The following KCND2 variants were observed in gnomAD, a reference collection of about 807,000 sequenced individuals.
KCND2 encodes the protein A-type voltage-gated potassium channel KCND2.
In KCND2, 16 loss-of-function variants were observed where a neutral mutation model predicts 54.4. The observed-to-expected ratio is 0.29, with a 90% CI of 0.20 to 0.45. KCND2 has a LOEUF of 0.45. KCND2 is among the 20% of genes least tolerant of loss of function. KCND2 has a pLI of 1.00. For synonymous variants in KCND2, 317 were observed against 310.7 expected (o/e 1.02, Z -0.21); for missense variants, 486 against 824.2 (o/e 0.59, Z 5.02).
At chr7:120,587,689 A>G (rs1792617834) in intron 1 of KCND2, among the ~76,000 whole-genome samples, 1 of 152,184 alleles carries the variant, frequency 6.6e-6, no homozygotes, top group Non-Finnish European at 1.5e-5. Flanking sequence ...CACCACTTTC[A>G]GTTTTATAAA....
At chr7:120,722,517 G>A (rs549330758) in intron 1 of KCND2, among the ~76,000 whole-genome samples, 13 of 152,276 alleles carry the variant, frequency 8.5e-5, no homozygotes, top group African/African-American at 3.1e-4. Flanking sequence ...AGAATTTTGT[G>A]CATTCTTTTC....
chr7:120,734,386 C>T (rs867823618), intron 2 of KCND2, among the ~76,000 whole-genome samples: 5 of 152,170 alleles, frequency 3.3e-5, no homozygotes, highest in Middle Eastern at 3.4e-3. Context: ...AAAACTCTGG[C>T]GTTAGTTACC....
At chr7:120,643,618 A>C (rs1177924873) in intron 1 of KCND2, among the ~76,000 whole-genome samples, 4 of 152,034 alleles carry the variant, frequency 2.6e-5, no homozygotes, top group Non-Finnish European at 4.4e-5. Flanking sequence ...AGTCCTTTGA[A>C]AGATCAATCA....
intron 1 of KCND2, among the ~76,000 whole-genome samples, chr7:120,375,301 G>A (rs777000887): frequency 8.6e-5 from 13 of 151,678 alleles, no homozygotes; most frequent in African/African-American, 1.5e-4. Flanking sequence ...AAATATCAGC[G>A]TATTAAAAAG....
intron 1 of KCND2, among the ~76,000 whole-genome samples, chr7:120,511,030 A>T (rs1050583893): frequency 1.9e-4 from 29 of 151,170 alleles, no homozygotes; most frequent in African/African-American, 6.6e-4. Flanking sequence ...TCTCTCACAC[A>T]CACACACACA....
intron 1 of KCND2, among the ~76,000 whole-genome samples, chr7:120,284,468 A>G (rs1482843296): frequency 6.6e-6 from 1 of 152,192 alleles, no homozygotes; most frequent in African/African-American, 2.4e-5. Context: ...TCTAGATTGT[A>G]TCAAATGAGG....
intron 1 of KCND2, among the ~76,000 whole-genome samples, chr7:120,712,476 A>C (rs970193590): frequency 6.7e-6 from 1 of 149,792 alleles, no homozygotes; most frequent in Non-Finnish European, 1.5e-5. Context: ...GCCTTGGCTG[A>C]TCTTGAACTC....
At chr7:120,506,587 T>C (rs1803023153) in intron 1 of KCND2, among the ~76,000 whole-genome samples, 1 of 151,906 alleles carries the variant, frequency 6.6e-6, no homozygotes, top group Admixed American at 6.6e-5. Context: ...TTTATTTTCA[T>C]TTCAGTCTAT....
At chr7:120,621,274 C>A in intron 1 of KCND2, among the ~76,000 whole-genome samples, 1 of 87,374 alleles carries the variant, frequency 1.1e-5, no homozygotes, top group East Asian at 3.7e-4. Flanking sequence ...AAGACTCCGT[C>A]TCAAAAAAAA....
intron 1 of KCND2, among the ~76,000 whole-genome samples, chr7:120,387,647 A>C (rs1801009690): frequency 6.6e-6 from 1 of 152,022 alleles, no homozygotes; most frequent in Non-Finnish European, 1.5e-5. Flanking sequence ...TCTTTTGTGA[A>C]TGACAGAACT....
intron 1 of KCND2, among the ~76,000 whole-genome samples, chr7:120,467,686 G>A (rs1802399255): frequency 6.6e-6 from 1 of 152,066 alleles, no homozygotes; most frequent in African/African-American, 2.4e-5. Flanking sequence ...TCTATTATTA[G>A]CTATATAAAA....
chr7:120,488,486 T>A (rs1251373206), intron 1 of KCND2, among the ~76,000 whole-genome samples: 2 of 152,206 alleles, frequency 1.3e-5, no homozygotes, highest in African/African-American at 4.8e-5. Context: ...TTTTTTTCTT[T>A]AAGTAAAATT....
chr7:120,333,455 G>A (rs920024854), intron 1 of KCND2, among the ~76,000 whole-genome samples: 7 of 151,980 alleles, frequency 4.6e-5, no homozygotes, highest in African/African-American at 1.7e-4. Context: ...AATATAACAT[G>A]GACAGATTCT....
intron 1 of KCND2, among the ~76,000 whole-genome samples, chr7:120,655,210 G>A (rs535917230): frequency 3.3e-5 from 5 of 152,022 alleles, no homozygotes; most frequent in African/African-American, 1.2e-4. Context: ...CCCCCAGGAA[G>A]TAAATAAACT....
chr7:120,308,140 C>T (rs1424174314), intron 1 of KCND2, among the ~76,000 whole-genome samples: 1 of 151,936 alleles, frequency 6.6e-6, no homozygotes, highest in African/African-American at 2.4e-5. Flanking sequence ...ACTGAAATAC[C>T]ACTTACTGAA....
intron 1 of KCND2, among the ~76,000 whole-genome samples, chr7:120,420,612 G>A (rs901200236): frequency 2.0e-5 from 3 of 152,126 alleles, no homozygotes; most frequent in African/African-American, 4.8e-5. Flanking sequence ...ATCGGGGTGA[G>A]GAGTAGGGGG....
At chr7:120,314,837 T>C (rs1364134247) in intron 1 of KCND2, among the ~76,000 whole-genome samples, 4 of 152,194 alleles carry the variant, frequency 2.6e-5, no homozygotes, top group Non-Finnish European at 5.9e-5. Context: ...TACAAAATGT[T>C]ATTTAAAAAA....
intron 1 of KCND2, among the ~76,000 whole-genome samples, chr7:120,309,893 G>A (rs1324805686): frequency 6.6e-6 from 1 of 151,888 alleles, no homozygotes; most frequent in East Asian, 1.9e-4. Flanking sequence ...CTTTTCATGG[G>A]CCAAAGTCTG....
chr7:120,409,473 C>A (rs535348693), intron 1 of KCND2, among the ~76,000 whole-genome samples: 1 of 151,940 alleles, frequency 6.6e-6, no homozygotes, highest in Non-Finnish European at 1.5e-5. Flanking sequence ...GGTGCCAAAC[C>A]ACTTTCCCAA....
Sources: gnomAD v4.1 joint callset for allele counts (sites outside exome capture counted in the v4.1 genomes callset) on GRCh38, gnomAD v4.1.1 for gene constraint, MANE v1.5 for transcripts, NCBI Gene and HGNC (gene_info 2026-07-23, HGNC 2026-07-21) for gene names.